PACRG: variants seen among roughly 807,000 people sequenced by gnomAD.
PACRG encodes the protein parkin coregulated gene protein.
A neutral mutation model predicts 29.7 loss-of-function variants in PACRG; 29 were observed. That is an observed-to-expected ratio of 0.98 (90% CI 0.73 to 1.33). PACRG has a LOEUF of 1.33. Ranked by LOEUF, PACRG falls within the 40% of genes most tolerant of loss-of-function variation. The probability of loss-of-function intolerance (pLI) is 0.00; values close to 1 mark genes in which losing one functional copy is unlikely to be tolerated. For missense variants in PACRG, 279 were observed against 316.2 expected (o/e 0.88, Z 0.89); for synonymous variants, 116 against 118.7 (o/e 0.98, Z 0.15).
In PACRG at chr6:162,876,165, C is replaced by T. The variant is rs183589154; in HGVS notation, c.291+61884C>T. 1.9e-3 allele frequency among the ~76,000 whole-genome samples: 282 copies of T among 152,234 alleles called. 3 individuals carry two copies. The highest frequency in any genetic ancestry group is 2.0e-3 in the Non-Finnish European group (136 of 68,018). On this transcript the variant is annotated intron_variant, in intron 2 of 4. Coordinates refer to ENST00000366888, the MANE Select transcript of PACRG (RefSeq NM_001080379.2). Reference sequence around the variant, plus strand: ...TCATGGTCACCATCATAGGGGGTTCCTCTCCAAAGAAAGCAATGACAAGTG... The same window carrying T: ...TCATGGTCACCATCATAGGGGGTTCTTCTCCAAAGAAAGCAATGACAAGTG...
chr6:163,134,512 T>A (rs1225124986), intron 4 of PACRG, among the ~76,000 whole-genome samples: 2 of 152,124 alleles, frequency 1.3e-5, no homozygotes, highest in Non-Finnish European at 2.9e-5. Flanking sequence ...AAAAGACACA[T>A]ATTTAGAGGA....
At chr6:162,747,021 T>G (rs963463073) in intron 1 of PACRG, among the ~76,000 whole-genome samples, 1 of 151,990 alleles carries the variant, frequency 6.6e-6, no homozygotes, top group Non-Finnish European at 1.5e-5. Context: ...GGAGGTGTGA[T>G]GTTTAATACT....
At chr6:163,240,878 G>A (rs966394339) in intron 4 of PACRG, among the ~76,000 whole-genome samples, 1 of 152,118 alleles carries the variant, frequency 6.6e-6, no homozygotes, top group South Asian at 2.1e-4. Context: ...TTCCCTCCTC[G>A]CCCGTAGCAA....
At chr6:163,004,445 C>A (rs1298295194) in intron 2 of PACRG, among the ~76,000 whole-genome samples, 1 of 151,730 alleles carries the variant, frequency 6.6e-6, no homozygotes, top group Non-Finnish European at 1.5e-5. Context: ...GGAAGCAAGA[C>A]ACCTTCTTCA....
intron 4 of PACRG, among the ~76,000 whole-genome samples, chr6:163,108,392 C>CT (rs528887997): frequency 0.48 from 42,935 of 90,314 alleles, 10,965 homozygotes; most frequent in Non-Finnish European, 0.57. Context: ...TTCTCTTTCC[C>CT]TTTTTTTTTT....
intron 4 of PACRG, chr6:163,179,251 G>C (rs1230777483): frequency 2.2e-6 from 1 of 455,878 alleles, no homozygotes; most frequent in African/African-American, 2.0e-5. Context: ...GCCAACAAGC[G>C]AGACAGAAAG....
intron 2 of PACRG, among the ~76,000 whole-genome samples, chr6:162,958,850 C>CGTATATATAT (rs1800291654): frequency 2.1e-5 from 1 of 48,614 alleles, no homozygotes; most frequent in Non-Finnish European, 3.6e-5. Flanking sequence ...ATATATAGAG[C>CGTATATATAT]ATATATATAT....
chr6:162,963,020 A>T (rs912650529), intron 2 of PACRG, among the ~76,000 whole-genome samples: 23 of 152,190 alleles, frequency 1.5e-4, no homozygotes, highest in African/African-American at 5.3e-4. Flanking sequence ...GATCTATATT[A>T]GTTCTAATGA....
chr6:163,257,876 T>C (rs888879451), intron 4 of PACRG, among the ~76,000 whole-genome samples: 17 of 152,250 alleles, frequency 1.1e-4, no homozygotes, highest in Admixed American at 6.5e-5. Context: ...CAACTAATAA[T>C]TAACAAGGCT....
intron 2 of PACRG, among the ~76,000 whole-genome samples, chr6:162,843,395 C>T (rs2128412752): frequency 6.6e-6 from 1 of 150,640 alleles, no homozygotes; most frequent in South Asian, 2.1e-4. Flanking sequence ...CGCATTGGCT[C>T]CTGAGGCTTC....
At chr6:163,066,754 C>A (rs1811580582) in intron 3 of PACRG, among the ~76,000 whole-genome samples, 1 of 152,038 alleles carries the variant, frequency 6.6e-6, no homozygotes, top group Non-Finnish European at 1.5e-5. Flanking sequence ...ACTGAAAAAA[C>A]AAAATCTGTA....
rs1585404529 is a variant in PACRG at position 163,290,837 on chromosome 6, T to G, written c.614-23990T>G. 2.0e-5 allele frequency among the ~76,000 whole-genome samples: 3 copies of G among 152,284 alleles called. No individual in the cohort carries two copies. The South Asian group carries it at 6.2e-4, about 32-fold the overall frequency. Reference sequence around the variant, plus strand: ...TTAGTTAAATGAAATCGGATGCGCATGAGTTCAGCGTGAGGTCCGGGTCAG... The same window carrying G: ...TTAGTTAAATGAAATCGGATGCGCAGGAGTTCAGCGTGAGGTCCGGGTCAG... On this transcript the variant is annotated intron_variant, in intron 4 of 4. Transcript: ENST00000366888.
intron 2 of PACRG, among the ~76,000 whole-genome samples, chr6:162,815,261 A>G (rs976982252): frequency 1.3e-5 from 2 of 152,082 alleles, no homozygotes; most frequent in African/African-American, 4.8e-5. Context: ...CAAATCAGGA[A>G]TTGTTTTTAA....
chr6:162,925,842 T>C (rs551736447), intron 2 of PACRG, among the ~76,000 whole-genome samples: 1 of 152,144 alleles, frequency 6.6e-6, no homozygotes, highest in East Asian at 1.9e-4. Flanking sequence ...GGTATTCAAA[T>C]AGGAAGAGAG....
intron 2 of PACRG, among the ~76,000 whole-genome samples, chr6:162,945,861 A>G (rs1373928754): frequency 1.3e-5 from 2 of 151,986 alleles, no homozygotes; most frequent in African/African-American, 2.4e-5. Flanking sequence ...ATCAATAACA[A>G]TGGAAACTCT....
chr6:163,131,487 T>C (rs1816738863), intron 4 of PACRG, among the ~76,000 whole-genome samples: 1 of 152,046 alleles, frequency 6.6e-6, no homozygotes, highest in Non-Finnish European at 1.5e-5. Flanking sequence ...ACTACCAGAA[T>C]TTGGAGAGGC....
In PACRG at chr6:163,030,557, C is replaced by T. The variant is rs59345254; in HGVS notation, c.292-31593C>T. On this transcript the variant is annotated intron_variant, in intron 2 of 4. Transcript: ENST00000366888. Reference sequence around the variant, plus strand: ...AGACCCCAAGAGAGGGTTCTTGGATCTCACACAAGAAAGAATTCAGGGTGA... The same window carrying T: ...AGACCCCAAGAGAGGGTTCTTGGATTTCACACAAGAAAGAATTCAGGGTGA... Among the ~76,000 whole-genome samples, 772 of 152,230 alleles carry T rather than the reference C, an allele frequency of 5.1e-3. 9 individuals are homozygous for T. Among genetic ancestry groups the T allele is most frequent in the African/African-American group, 0.017 (726 of 41,548 alleles).
chr6:162,917,137 T>A (rs768544720), intron 2 of PACRG, among the ~76,000 whole-genome samples: 3 of 152,326 alleles, frequency 2.0e-5, no homozygotes, highest in South Asian at 2.1e-4. Context: ...ATTATCCATG[T>A]TATTTTGAGA....
intron 2 of PACRG, among the ~76,000 whole-genome samples, chr6:162,854,998 T>G (rs1187059974): frequency 1.3e-5 from 2 of 152,274 alleles, no homozygotes; most frequent in Non-Finnish European, 2.9e-5. Context: ...CGCTGTGCCC[T>G]GCGAGCGCGC....
Sources: allele counts gnomAD v4.1 joint callset (sites outside exome capture counted in the v4.1 genomes callset), GRCh38; gene constraint gnomAD v4.1.1; transcripts MANE v1.5; gene names NCBI Gene and HGNC (gene_info 2026-07-23, HGNC 2026-07-21).